COL13A1: variants seen among roughly 807,000 people sequenced by gnomAD.
COL13A1 encodes collagen alpha-1(XIII) chain.
COL13A1 carries 89 observed loss-of-function variants against 130.9 expected under a neutral mutation model. The observed-to-expected ratio is 0.68, with a 90% CI of 0.57 to 0.81. The LOEUF is 0.81. Ranked by LOEUF, COL13A1 falls within the 30% of genes least tolerant of loss-of-function variation. The pLI is 0.00. For synonymous variants in COL13A1, 402 were observed against 341.6 expected, an observed-to-expected ratio of 1.18 and a Z score of -1.95; for missense variants, 879 against 934.6, an observed-to-expected ratio of 0.94 and a Z score of 0.78.
intron 1 of COL13A1, among the ~76,000 whole-genome samples, chr10:69,804,993 C>A (rs1289649330): frequency 6.6e-6 from 1 of 151,968 alleles, no homozygotes; most frequent in Non-Finnish European, 1.5e-5. Context: ...CAAAAGCGGG[C>A]GAGTGTGAAG....
chr10:69,922,677 C>T, intron 22 of COL13A1, 31 bp from the exon 23 acceptor site: 1 of 1,558,426 alleles, frequency 6.4e-7, no homozygotes, highest in South Asian at 1.2e-5. Context: ...TCCTCCACAC[C>T]AGGGATGCTA....
intron 17 of COL13A1, 126 bp from the exon 18 acceptor site, chr10:69,917,163 C>G (rs1565052730): frequency 1.7e-6 from 2 of 1,197,078 alleles, no homozygotes; most frequent in Non-Finnish European, 2.4e-6. Flanking sequence ...GGGCAGGGTC[C>G]TCAGAGCTCA....
intron 38 of COL13A1, among the ~76,000 whole-genome samples, chr10:69,950,469 T>A (rs1286147260): frequency 6.6e-6 from 1 of 152,190 alleles, no homozygotes; most frequent in African/African-American, 2.4e-5. Flanking sequence ...CCCCGGGGTA[T>A]CCTGGACTGG....
chr10:69,927,137 T>G, intron 27 of COL13A1, 27 bp downstream of exon 27: 1 of 1,603,482 alleles, frequency 6.2e-7, no homozygotes. Context: ...CTGGCTTTCC[T>G]TGGGCACTGG....
At chr10:69,937,565 C>T in intron 33 of COL13A1, 70 bp from the exon 34 acceptor site, 1 of 778,264 alleles carries the variant, frequency 1.3e-6, no homozygotes, top group Non-Finnish European at 2.3e-6. Context: ...CCTCCAGGAC[C>T]CCAGAATGCA....
intron 34 of COL13A1, among the ~76,000 whole-genome samples, chr10:69,939,120 T>G (rs1274570140): frequency 6.6e-6 from 1 of 152,236 alleles, no homozygotes; most frequent in Non-Finnish European, 1.5e-5. Flanking sequence ...GTATTTTTTT[T>G]TAGTTTAAGT....
intron 1 of COL13A1, among the ~76,000 whole-genome samples, chr10:69,819,380 T>C (rs1330191350): frequency 6.6e-6 from 1 of 152,122 alleles, no homozygotes; most frequent in South Asian, 2.1e-4. Flanking sequence ...GTAGATGACT[T>C]ACTTATTTGA....
At chr10:69,819,091 T>TA (rs1485317432) in intron 1 of COL13A1, among the ~76,000 whole-genome samples, 4 of 152,208 alleles carry the variant, frequency 2.6e-5, no homozygotes, top group African/African-American at 9.7e-5. Context: ...GTCTCACAAT[T>TA]AGTAGAAAAT....
At chr10:69,822,227 G>A (rs780365659) in intron 1 of COL13A1, 142 bp from the exon 2 acceptor site, 5 of 551,036 alleles carry the variant, frequency 9.1e-6, no homozygotes, top group Non-Finnish European at 1.3e-5. Context: ...CCAGTGGAAG[G>A]CCATTAACTG....
At chr10:69,898,590 C>T (rs1239403745) in intron 13 of COL13A1, 107 bp from the exon 14 acceptor site, 24 of 812,872 alleles carry the variant, frequency 3.0e-5, no homozygotes, top group Admixed American at 1.4e-4. Context: ...TCCTCTGCTC[C>T]GGTCCCTCTT....
At position 69,934,321 on chromosome 10, in the gene COL13A1, A is replaced by T. The variant is rs531767785; in HGVS notation, c.1729-1029A>T. ...TACTTATAATAAGAATTAAAATGGT[A>T]AACTTTTGTTAAAAATGGGAAGCTT... On this transcript the variant is annotated intron_variant, in intron 31 of 40. Coordinates refer to ENST00000645393, the MANE Select transcript of COL13A1 (RefSeq NM_001368882.1). Among the ~76,000 whole-genome samples the T allele has an allele frequency of 1.3e-3, 203 of 152,374 alleles. 2 individuals carry two copies. The highest frequency in any genetic ancestry group is 3.4e-3 in the Middle Eastern group (1 of 294).
At chr10:69,900,324 C>A (rs1264248251) in intron 14 of COL13A1, among the ~76,000 whole-genome samples, 1 of 152,194 alleles carries the variant, frequency 6.6e-6, no homozygotes, top group Non-Finnish European at 1.5e-5. Flanking sequence ...TTATCTCATG[C>A]ATTCCCCACA....
intron 37 of COL13A1, among the ~76,000 whole-genome samples, chr10:69,946,106 AAT>A (rs201651027): frequency 0.034 from 4,846 of 143,086 alleles, 128 homozygotes; most frequent in South Asian, 0.11. Flanking sequence ...AAAAAAAAAA[AAT>A]CACCTAGGGC....
intron 7 of COL13A1, among the ~76,000 whole-genome samples, chr10:69,881,417 G>T (rs1451974112): frequency 2.0e-5 from 3 of 152,202 alleles, no homozygotes; most frequent in African/African-American, 4.8e-5. Flanking sequence ...TGCTCAGTGA[G>T]GGGTGGGAGC....
intron 4 of COL13A1, 47 bp from the exon 5 acceptor site, chr10:69,875,081 G>A: frequency 6.2e-7 from 1 of 1,613,626 alleles, no homozygotes; most frequent in Non-Finnish European, 8.5e-7. Flanking sequence ...TCACATGCTA[G>A]CCTGGTTCCA....
rs2066283172 is a variant in COL13A1 at position 69,932,682 on chromosome 10, T to C, written c.1728+78T>C. 4.8e-5 allele frequency: 47 copies of C among 986,394 alleles called. No individual in the cohort carries two copies. In the South Asian group the frequency reaches 6.1e-4, roughly 13 times the overall value. The allele number at this position is 986,394 out of a possible 1,614,324, so 61.1% of individuals were successfully genotyped here. ...TGCACAGTATTTCTGTGCTTTAGAA[T>C]GAAGCTTGCAACTGCCTGATGTTTA... is the stretch of plus-strand genomic sequence containing the variant. On this transcript the variant is annotated intron_variant, in intron 31 of 40. Coordinates refer to ENST00000645393, the MANE Select transcript of COL13A1 (RefSeq NM_001368882.1).
chr10:69,934,449 G>A (rs2066561160), intron 31 of COL13A1, among the ~76,000 whole-genome samples: 1 of 152,216 alleles, frequency 6.6e-6, no homozygotes, highest in Admixed American at 6.5e-5. Context: ...CCTCCTGTCT[G>A]CCCAGTGTAG....
intron 14 of COL13A1, among the ~76,000 whole-genome samples, chr10:69,900,987 T>C (rs2062127073): frequency 6.6e-6 from 1 of 152,202 alleles, no homozygotes; most frequent in Non-Finnish European, 1.5e-5. Flanking sequence ...CTTGTGAATG[T>C]AGAAACCCAC....
intron 1 of COL13A1, among the ~76,000 whole-genome samples, chr10:69,809,035 C>T (rs1255876373): frequency 6.6e-6 from 1 of 152,198 alleles, no homozygotes; most frequent in African/African-American, 2.4e-5. Context: ...ATCCTCTACT[C>T]CCAAGGTCAG....
Sources: allele counts gnomAD v4.1 joint callset (sites outside exome capture counted in the v4.1 genomes callset), GRCh38; gene constraint gnomAD v4.1.1; transcripts MANE v1.5; gene names NCBI Gene and HGNC (gene_info 2026-07-23, HGNC 2026-07-21).